Variants in LINGO1 observed in about 807,000 individuals in gnomAD.
LINGO1 encodes leucine-rich repeat and immunoglobulin-like domain-containing nogo receptor-interacting protein 1.
LINGO1 carries 11 observed loss-of-function variants against 37.3 expected under a neutral mutation model. The ratio of observed to expected loss-of-function variants is 0.29; its 90% CI spans 0.19 to 0.49. LINGO1 has a LOEUF of 0.49. Ranked by LOEUF, LINGO1 falls within the 20% of genes least tolerant of loss-of-function variation. The probability of loss-of-function intolerance (pLI) is 0.99; values close to 1 mark genes in which losing one functional copy is unlikely to be tolerated. For synonymous variants in LINGO1, 387 were observed against 403.0 expected, an observed-to-expected ratio of 0.96 and a Z score of 0.48; for missense variants, 585 against 878.2, an observed-to-expected ratio of 0.67 and a Z score of 4.22.
intron 1 of LINGO1, chr15:77,696,352 C>T (rs1439768283): frequency 2.6e-5 from 4 of 152,290 alleles, no homozygotes; most frequent in African/African-American, 9.6e-5. Context: ...CCGGACTCTC[C>T]TCTTACTCCC....
intron 1 of LINGO1, among the ~76,000 whole-genome samples, chr15:77,818,244 G>C (rs550863805): frequency 6.6e-6 from 1 of 152,316 alleles, no homozygotes; most frequent in Non-Finnish European, 1.5e-5. Flanking sequence ...ATCCTTCCTT[G>C]GGCCTCTCAC....
chr15:77,694,850 C>T (rs2075662660), intron 1 of LINGO1, among the ~76,000 whole-genome samples: 1 of 152,232 alleles, frequency 6.6e-6, no homozygotes. Flanking sequence ...TTCTGACCAC[C>T]TTCCCCTTTC....
At chr15:77,807,574 C>T (rs2076970422) in intron 1 of LINGO1, among the ~76,000 whole-genome samples, 1 of 152,134 alleles carries the variant, frequency 6.6e-6, no homozygotes, top group Non-Finnish European at 1.5e-5. Flanking sequence ...CATGGGTGTT[C>T]CTGCCTCCCT....
At chr15:77,743,397 C>G (rs933991815) in intron 1 of LINGO1, among the ~76,000 whole-genome samples, 1 of 152,158 alleles carries the variant, frequency 6.6e-6, no homozygotes, top group African/African-American at 2.4e-5. Flanking sequence ...AGTCAAGGGA[C>G]TAAGAGGGGC....
intron 1 of LINGO1, among the ~76,000 whole-genome samples, chr15:77,784,303 A>C (rs917938060): frequency 2.6e-5 from 4 of 152,248 alleles, no homozygotes; most frequent in African/African-American, 9.6e-5. Flanking sequence ...TGGGGCTCTA[A>C]GGACACACGC....
intron 2 of LINGO1, among the ~76,000 whole-genome samples, chr15:77,723,903 AAG>A (rs921441678): frequency 2.0e-4 from 30 of 152,086 alleles, no homozygotes; most frequent in Non-Finnish European, 3.4e-4. Context: ...AGGCGAGAGA[AAG>A]AGACAGATCT....
At chr15:77,682,403 C>G (rs2075432461) in intron 2 of LINGO1, among the ~76,000 whole-genome samples, 1 of 151,778 alleles carries the variant, frequency 6.6e-6, no homozygotes, top group Non-Finnish European at 1.5e-5. Context: ...GCACCAATCT[C>G]CAGAATTTCC....
At chr15:77,616,693 G>A (rs954257275) in intron 1 of LINGO1, among the ~76,000 whole-genome samples, 2 of 152,072 alleles carry the variant, frequency 1.3e-5, no homozygotes, top group African/African-American at 4.8e-5. Flanking sequence ...ACTTCCTCTG[G>A]GTCCCATCGG....
intron 3 of LINGO1, chr15:77,651,538 C>T (rs2074758348): frequency 6.6e-6 from 1 of 152,196 alleles, no homozygotes; most frequent in Admixed American, 6.5e-5. Context: ...CAAGTAGTGG[C>T]TGATAACAGT....
intron 3 of LINGO1, chr15:77,652,411 ATGAC>A (rs2074777333): frequency 6.6e-6 from 1 of 151,470 alleles, no homozygotes; most frequent in Non-Finnish European, 1.5e-5. Context: ...CTATGAAATT[ATGAC>A]TGACAGCTCT....
rs372294066 is a variant in LINGO1, at chr15:77,614,461, C to T, written c.1446G>A (p.Leu482=). Residue 482 remains leucine, a synonymous_variant, in exon 2 of 2, where the codon CTG becomes CTA. Coordinates refer to ENST00000355300, the MANE Select transcript of LINGO1 (RefSeq NM_032808.7). ...GRLTVFPDGT[L]EVRYAQVQDN... ...CCTGTACCTGGGCGTAGCGCACCTC[C>T]AGCGTGCCATCAGGGAAGACTGTGA... The T allele has an allele frequency of 8.8e-5, 142 of 1,610,750 alleles. No homozygotes were observed. Among genetic ancestry groups the T allele is most frequent in the Non-Finnish European group, 1.1e-4 (133 of 1,179,780 alleles).
intron 2 of LINGO1, among the ~76,000 whole-genome samples, chr15:77,723,963 T>G (rs2141318589): frequency 6.6e-6 from 1 of 152,252 alleles, no homozygotes; most frequent in South Asian, 2.1e-4. Flanking sequence ...GGTTATATTT[T>G]TAGATGGACT....
intron 1 of LINGO1, 23 bp from the exon 2 acceptor site, chr15:77,615,923 G>T: frequency 2.8e-6 from 4 of 1,446,646 alleles, no homozygotes; most frequent in Non-Finnish European, 3.6e-6. Context: ...GCAAGCACAG[G>T]ACAGAGGTGG....
At chr15:77,772,177 G>GA (rs1362911414) in intron 1 of LINGO1, among the ~76,000 whole-genome samples, 3 of 152,194 alleles carry the variant, frequency 2.0e-5, no homozygotes, top group African/African-American at 4.8e-5. Context: ...ACTCCACCTG[G>GA]CTTATCTAAC....
At position 77,746,166 on chromosome 15, in the gene LINGO1, C is replaced by T. The variant is rs186942351; in HGVS notation, c.-256-11113G>A. On this transcript the variant is annotated intron_variant, in intron 1 of 3. Transcript: ENST00000561686. ...CAGATTGCAGTGAGTTGTGTTCATG[C>T]CACTGCACTCTAGCCTGGGAGAGAG... Among the ~76,000 whole-genome samples, 678 of 149,742 alleles carry T rather than the reference C, an allele frequency of 4.5e-3. 6 individuals carry two copies. The highest frequency in any genetic ancestry group is 0.011 in the South Asian group (52 of 4,694).
Position 77,766,252 on chromosome 15 carries a change from T to G in LINGO1, c.-257+20617A>C, listed in dbSNP as rs569804383. On this transcript the variant is annotated intron_variant, in intron 1 of 3. Coordinates refer to the LINGO1 transcript ENST00000561686. ...GATAGAGGCTAGAATGAGCCATGAC[T>G]GCACCACTGCACTCTAGCCTGGGTA... Among the ~76,000 whole-genome samples the G allele has an allele frequency of 2.2e-5, 3 of 133,738 alleles. No homozygotes were observed. The East Asian group carries it at 6.7e-4, about 30-fold the overall frequency. 87.7% of individuals were successfully genotyped at this position (133,738 alleles called of 152,430 possible).
At chr15:77,695,168 A>G (rs1028780922) in intron 1 of LINGO1, among the ~76,000 whole-genome samples, 5 of 152,184 alleles carry the variant, frequency 3.3e-5, no homozygotes, top group African/African-American at 1.2e-4. Flanking sequence ...TAAGTGCTGG[A>G]GCCAGAATTT....
At chr15:77,625,448 C>A (rs1431335274) in intron 1 of LINGO1, among the ~76,000 whole-genome samples, 4 of 152,152 alleles carry the variant, frequency 2.6e-5, no homozygotes, top group Admixed American at 2.6e-4. Flanking sequence ...ATAACTTGCT[C>A]GGGGTCAGTG....
chr15:77,721,509 G>A (rs144228582), intron 2 of LINGO1, among the ~76,000 whole-genome samples: 46 of 152,280 alleles, frequency 3.0e-4, no homozygotes, highest in Middle Eastern at 6.8e-3. Context: ...TAGATACACC[G>A]CAGCTTCACG....
Sources: allele counts gnomAD v4.1 joint callset (sites outside exome capture counted in the v4.1 genomes callset), GRCh38; gene constraint gnomAD v4.1.1; transcripts MANE v1.5; gene names NCBI Gene and HGNC (gene_info 2026-07-23, HGNC 2026-07-21).